NPIPB8: variants seen among roughly 807,000 people sequenced by gnomAD.
The protein encoded by NPIPB8 is nuclear pore complex interacting protein family member B8.
In NPIPB8, 3 loss-of-function variants were observed where a neutral mutation model predicts 5.3. The ratio of observed to expected loss-of-function variants is 0.57; its 90% CI spans 0.26 to 1.47. The LOEUF (loss-of-function observed/expected upper bound fraction) is 1.47, where lower values mean the gene tolerates loss of function less well. Ranked by LOEUF, NPIPB8 falls within the 40% of genes most tolerant of loss-of-function variation. NPIPB8 has a pLI of 0.13. For synonymous variants in NPIPB8, 18 were observed against 23.0 expected, an observed-to-expected ratio of 0.78 and a Z score of 0.62; for missense variants, 50 against 50.2, an observed-to-expected ratio of 1.00 and a Z score of 0.01.
chr16:28,638,867 A>C lies in NPIPB8; in HGVS notation c.120+387A>C, dbSNP rs368675230. 5.1e-3 allele frequency among the ~76,000 whole-genome samples: 752 copies of C among 148,324 alleles called. 68 individuals carry two copies. The South Asian group carries it at 0.15, about 30-fold the overall frequency. ...GTGGATCACCTGAGGCCAGGACTTC[A>C]AGACCAGCCTGACCAATATGGCAAA... On this transcript the variant is annotated intron_variant, in intron 2 of 7. Coordinates refer to ENST00000683297, the MANE Select transcript of NPIPB8 (RefSeq NM_001310136.2).
chr16:28,651,291 T>C, intron 3 of NPIPB8, among the ~76,000 whole-genome samples: 1 of 48,388 alleles, frequency 2.1e-5, no homozygotes, highest in African/African-American at 1.4e-4. Flanking sequence ...GCTATTTTTT[T>C]TTTTTTTTTT....
chr16:28,639,442 C>CATATAT (rs1215767667), intron 2 of NPIPB8, among the ~76,000 whole-genome samples: 115 of 107,530 alleles, frequency 1.1e-3, no homozygotes, highest in Middle Eastern at 3.8e-3. Context: ...CACACACACA[C>CATATAT]ACATATATAT....
intron 2 of NPIPB8, among the ~76,000 whole-genome samples, chr16:28,643,128 G>A (rs1035610804): frequency 2.0e-5 from 3 of 150,638 alleles, no homozygotes; most frequent in South Asian, 2.1e-4. Context: ...AAGCCCTCTG[G>A]GTATTGTGGG....
chr16:28,643,065 C>T (rs951721300), intron 2 of NPIPB8, among the ~76,000 whole-genome samples: 10 of 151,838 alleles, frequency 6.6e-5, no homozygotes, highest in Non-Finnish European at 1.2e-4. Context: ...CACCAGACCC[C>T]TGGGTCCTGC....
intron 2 of NPIPB8, among the ~76,000 whole-genome samples, chr16:28,645,187 C>T (rs1168359418): frequency 1.2e-4 from 16 of 133,358 alleles, no homozygotes; most frequent in African/African-American, 3.0e-4. Flanking sequence ...CAGATTACAA[C>T]GCCTGGCTAA....
intron 2 of NPIPB8, chr16:28,644,569 G>T (rs759704374): frequency 6.5e-7 from 1 of 1,529,134 alleles, no homozygotes; most frequent in South Asian, 1.2e-5. Flanking sequence ...ACACCTCAGG[G>T]CGCCCTGAAA....
chr16:28,639,458 T>A (rs1371341792), intron 2 of NPIPB8, among the ~76,000 whole-genome samples: 26,763 of 120,216 alleles, frequency 0.22, 2,941 homozygotes, highest in Non-Finnish European at 0.25. Flanking sequence ...TATATATATT[T>A]TTTTTTTTTT....
At position 28,642,444 on chromosome 16, in the gene NPIPB8, T is replaced by C. The variant is rs187928846; in HGVS notation, c.120+3964T>C. On this transcript the variant is annotated intron_variant, in intron 2 of 7. Transcript: ENST00000683297. ...ACATGGCTGCAGCATATAAAAAGAATTGAATTCCATAGTTTTGTAAACCCT... is the reference window on the plus strand; with the variant it reads ...ACATGGCTGCAGCATATAAAAAGAACTGAATTCCATAGTTTTGTAAACCCT... Among the ~76,000 whole-genome samples the C allele has an allele frequency of 7.9e-4, 119 of 151,536 alleles. 1 individual carries two copies. The East Asian group carries it at 0.018, about 23-fold the overall frequency.
At chr16:28,653,254 G>C (rs1490978353) in intron 5 of NPIPB8, among the ~76,000 whole-genome samples, 1 of 79,518 alleles carries the variant, frequency 1.3e-5, no homozygotes, top group Non-Finnish European at 2.4e-5. Context: ...TGTATTCTTA[G>C]TAGAGGCATA....
At chr16:28,637,973 G>C, upstream of NPIPB8, 1 of 817,982 alleles carries the variant, frequency 1.2e-6, no homozygotes, top group Non-Finnish European at 1.6e-6. Context: ...CTTTTTTGTA[G>C]GTTTCAGGCA....
rs530830988 is a variant in NPIPB8 at position 28,640,992 on chromosome 16, T to C, written c.120+2512T>C. On this transcript the variant is annotated intron_variant, in intron 2 of 7. Coordinates refer to ENST00000683297, the MANE Select transcript of NPIPB8 (RefSeq NM_001310136.2). ...CTGCAAGTCTCCTGTTCCTTTCAGA[T>C]TGCACAGGTGAGAGTGCTCAGATTA... Among the ~76,000 whole-genome samples the C allele has an allele frequency of 7.4e-4, 113 of 152,180 alleles. 1 individual carries two copies. The highest frequency in any genetic ancestry group is 2.6e-3 in the African/African-American group (107 of 41,488).
At chr16:28,642,517 C>T (rs1303383205) in intron 2 of NPIPB8, among the ~76,000 whole-genome samples, 1 of 149,762 alleles carries the variant, frequency 6.7e-6, no homozygotes, top group African/African-American at 2.5e-5. Flanking sequence ...CAGAGTCTCG[C>T]TCTGTCGCCT....
chr16:28,653,057 C>A (rs2048070698), intron 5 of NPIPB8, among the ~76,000 whole-genome samples: 1 of 118,918 alleles, frequency 8.4e-6, no homozygotes, highest in Non-Finnish European at 1.8e-5. Flanking sequence ...AGGTGTGTGC[C>A]ACCACATTCG....
intron 2 of NPIPB8, among the ~76,000 whole-genome samples, chr16:28,639,298 T>C (rs1325009089): frequency 2.0e-5 from 3 of 149,594 alleles, no homozygotes; most frequent in African/African-American, 7.4e-5. Context: ...CTACAAAAAG[T>C]CCAATAGTAA....
chr16:28,644,403 T>A (rs1230264032), intron 2 of NPIPB8, among the ~76,000 whole-genome samples: 1 of 54,094 alleles, frequency 1.8e-5, no homozygotes, highest in African/African-American at 8.8e-5. Flanking sequence ...CTTCTCTTCC[T>A]TTCCCTTCCC....
At chr16:28,638,269 A>G (rs540835509) in intron 1 of NPIPB8, 54 bp from the exon 2 acceptor site, 1 of 1,534,254 alleles carries the variant, frequency 6.5e-7, no homozygotes, top group African/African-American at 1.4e-5. Flanking sequence ...AGACTCAAAC[A>G]TCACCTTGTT....
intron 2 of NPIPB8, among the ~76,000 whole-genome samples, chr16:28,642,714 C>A (rs1353955344): frequency 6.6e-6 from 1 of 151,398 alleles, no homozygotes; most frequent in African/African-American, 2.4e-5. Flanking sequence ...GAACTCCTGA[C>A]CTTGTGATCC....
At chr16:28,640,865 GT>G (rs1308529242) in intron 2 of NPIPB8, among the ~76,000 whole-genome samples, 1 of 152,128 alleles carries the variant, frequency 6.6e-6, no homozygotes, top group Non-Finnish European at 1.5e-5. Context: ...CCATATGATA[GT>G]TTTGAGGATG....
rs1036022953 is a variant in NPIPB8, at chr16:28,638,299, CT to C, written c.-38-17del. ...CTTGTTTTTCCACTCATTCAACAAA[CT>C]TTTTTTCTTAATTGTCTAATAGGTT... On this transcript the variant is annotated intron_variant, in intron 1 of 7. Transcript: ENST00000683297. The C allele has an allele frequency of 1.1e-4, 169 of 1,547,124 alleles. 1 individual carries two copies. The highest frequency in any genetic ancestry group is 4.8e-5 in the Non-Finnish European group (55 of 1,153,794).
Sources: allele counts gnomAD v4.1 joint callset (sites outside exome capture counted in the v4.1 genomes callset), GRCh38; gene constraint gnomAD v4.1.1; transcripts MANE v1.5; gene names NCBI Gene and HGNC (gene_info 2026-07-23, HGNC 2026-07-21).